Variants in PFKP observed in about 807,000 individuals in gnomAD.
PFKP encodes the protein ATP-dependent 6-phosphofructokinase, platelet type.
Under a neutral mutation model 94.3 loss-of-function variants are expected in PFKP, and 101 were observed. That is an observed-to-expected ratio of 1.07 (90% CI 0.91 to 1.26). The LOEUF is 1.26. Ranked by LOEUF, PFKP falls within the 50% of genes most tolerant of loss-of-function variation. PFKP has a pLI of 0.00. For missense variants in PFKP, 1,145 were observed against 1,103.3 expected, an observed-to-expected ratio of 1.04 and a Z score of -0.53; for synonymous variants, 573 against 432.6, an observed-to-expected ratio of 1.32 and a Z score of -4.03.
chr10:3,093,699 A>G (rs193071498), intron 2 of PFKP, among the ~76,000 whole-genome samples: 4 of 128,330 alleles, frequency 3.1e-5, no homozygotes, highest in African/African-American at 9.2e-5. Flanking sequence ...GCTGGAGTGC[A>G]GTGGCGCAAT....
At position 3,109,547 on chromosome 10, in the gene PFKP, A is replaced by G. The variant is rs143474466; in HGVS notation, c.1089+67A>G. On this transcript the variant is annotated intron_variant, in intron 10 of 21. Transcript: ENST00000381125. Reference sequence around the variant, plus strand: ...TGGGACAGAAGCTGCTTGTCAGGCCAGCCTGGGCACCTTGGGTGTCTCGTC... The same window carrying G: ...TGGGACAGAAGCTGCTTGTCAGGCCGGCCTGGGCACCTTGGGTGTCTCGTC... 1,998 of 1,565,604 alleles carry G rather than the reference A, an allele frequency of 1.3e-3. 18 individuals are homozygous for G. The African/African-American group carries it at 0.024, about 19-fold the overall frequency.
In PFKP at chr10:3,133,315, G is replaced by T. The variant is rs745704649; in HGVS notation, c.2022+1G>T. ...GAACGTGCTGGGTCACATGCAGCAGGTAGGCCCGAGACTGCATGAGGGGCC... is the reference window on the plus strand; with the variant it reads ...GAACGTGCTGGGTCACATGCAGCAGTTAGGCCCGAGACTGCATGAGGGGCC... On this transcript the variant is annotated splice_donor_variant, in intron 19 of 21. Transcript: ENST00000381125. LOFTEE classifies it high-confidence loss of function. The T allele has an allele frequency of 7.5e-6, 12 of 1,598,148 alleles. No homozygotes were observed. The Admixed American group carries it at 1.5e-4, about 20-fold the overall frequency.
intron 15 of PFKP, among the ~76,000 whole-genome samples, chr10:3,119,644 G>T (rs1212019787): frequency 6.6e-6 from 1 of 152,138 alleles, no homozygotes; most frequent in African/African-American, 2.4e-5. Context: ...CCTCAGAAAT[G>T]AGACTCTTAC....
At chr10:3,068,039 G>A (rs1173989628) in intron 1 of PFKP, among the ~76,000 whole-genome samples, 1 of 152,140 alleles carries the variant, frequency 6.6e-6, no homozygotes. Flanking sequence ...TCCACCTTCG[G>A]TTTTGTTTTA....
intron 9 of PFKP, among the ~76,000 whole-genome samples, 173 bp from the exon 10 acceptor site, chr10:3,109,182 C>G (rs187422021): frequency 1.3e-5 from 2 of 152,206 alleles, no homozygotes; most frequent in African/African-American, 4.8e-5. Context: ...TCTCTGTTCC[C>G]GTCTTGCCAG....
intron 1 of PFKP, among the ~76,000 whole-genome samples, chr10:3,077,456 T>C (rs12247270): frequency 0.33 from 49,056 of 149,712 alleles, 8,209 homozygotes; most frequent in Middle Eastern, 0.45. Flanking sequence ...TTAGTAGAGA[T>C]GGGGTTTCAC....
At chr10:3,076,976 C>T (rs1832645656) in intron 1 of PFKP, among the ~76,000 whole-genome samples, 2 of 152,146 alleles carry the variant, frequency 1.3e-5, no homozygotes, top group Non-Finnish European at 2.9e-5. Flanking sequence ...AAAGGAAAGA[C>T]CCCTAGAAGG....
Position 3,113,442 on chromosome 10 carries a change from C to T in PFKP, c.1295C>T (p.Ala432Val). ...GGGATGAACGCAGCCGTACGCTCAG[C>T]TGTGCGCGTGGGCATTGCCGACGGC... The part of the protein sequence containing the change: ...AAGMNAAVRS[A>V]VRVGIADGHR... The change falls in exon 13 of 22, where the codon GCT becomes GTT. Residue 432 changes from alanine to valine, a missense_variant. Transcript: ENST00000381125. The T allele has an allele frequency of 6.2e-7, 1 of 1,611,660 alleles. No homozygotes were observed. The highest frequency in any genetic ancestry group is 8.5e-7 in the Non-Finnish European group (1 of 1,179,042).
chr10:3,116,229 A>T (rs1382418008), intron 13 of PFKP, among the ~76,000 whole-genome samples: 1 of 152,180 alleles, frequency 6.6e-6, no homozygotes, highest in Non-Finnish European at 1.5e-5. Flanking sequence ...ATCCCCCTGC[A>T]GCATGGCAGT....
intron 1 of PFKP, among the ~76,000 whole-genome samples, chr10:3,078,768 T>C (rs1450096684): frequency 6.6e-6 from 1 of 152,164 alleles, no homozygotes; most frequent in African/African-American, 2.4e-5. Context: ...GTGAGAAACA[T>C]CCAGGCCAGG....
chr10:3,094,497 T>TG (rs1349973064), intron 2 of PFKP, among the ~76,000 whole-genome samples: 3 of 152,192 alleles, frequency 2.0e-5, no homozygotes, highest in African/African-American at 7.2e-5. Context: ...GGTGCTTTGC[T>TG]GGGGTGATTG....
chr10:3,104,026 A>G (rs937259767), intron 5 of PFKP, 82 bp downstream of exon 5: 1 of 1,294,298 alleles, frequency 7.7e-7, no homozygotes, highest in Non-Finnish European at 1.1e-6. Flanking sequence ...GCTCTAGAAC[A>G]TTCTGCAGAT....
intron 11 of PFKP, 95 bp from the exon 12 acceptor site, chr10:3,113,024 T>A: frequency 9.3e-7 from 1 of 1,078,452 alleles, no homozygotes; most frequent in Non-Finnish European, 1.4e-6. Flanking sequence ...GGCAGACACA[T>A]TGAGTGCTGG....
intron 2 of PFKP, among the ~76,000 whole-genome samples, chr10:3,086,379 C>A (rs1833600203): frequency 6.6e-6 from 1 of 152,252 alleles, no homozygotes; most frequent in South Asian, 2.1e-4. Context: ...TTCTCCGCGT[C>A]ACCACTCAGC....
intron 10 of PFKP, among the ~76,000 whole-genome samples, chr10:3,110,498 G>A (rs948240150): frequency 2.7e-5 from 4 of 150,500 alleles, no homozygotes; most frequent in African/African-American, 9.8e-5. Context: ...TTACAGGCAT[G>A]AGCCACCACG....
In PFKP at chr10:3,133,318, G is replaced by C. The variant is rs371435009; in HGVS notation, c.2022+4G>C. ...CGTGCTGGGTCACATGCAGCAGGTA[G>C]GCCCGAGACTGCATGAGGGGCCACA... On this transcript the variant is annotated splice_donor_region_variant and intron_variant, in intron 19 of 21. Coordinates refer to ENST00000381125, the MANE Select transcript of PFKP (RefSeq NM_002627.5). 4.7e-5 allele frequency: 75 copies of C among 1,587,178 alleles called. No individual in the cohort carries two copies. Among genetic ancestry groups the C allele is most frequent in the Non-Finnish European group, 6.3e-5 (73 of 1,155,466 alleles).
intron 2 of PFKP, among the ~76,000 whole-genome samples, chr10:3,090,800 C>T (rs1035731935): frequency 3.9e-5 from 6 of 151,974 alleles, no homozygotes; most frequent in Admixed American, 2.6e-4. Context: ...CTGTTCTAGA[C>T]CTATTTGGGC....
At chr10:3,075,502 A>G (rs1185361479) in intron 1 of PFKP, among the ~76,000 whole-genome samples, 1 of 150,034 alleles carries the variant, frequency 6.7e-6, no homozygotes, top group East Asian at 2.0e-4. Flanking sequence ...GGTTTCTCCA[A>G]CGGGAGAATC....
chr10:3,095,746 G>A (rs185610417), intron 2 of PFKP, among the ~76,000 whole-genome samples: 4 of 152,304 alleles, frequency 2.6e-5, no homozygotes, highest in East Asian at 1.9e-4. Flanking sequence ...GTTGTAGTAC[G>A]TTTGGGCAAA....
Sources: gnomAD v4.1 joint callset for allele counts (sites outside exome capture counted in the v4.1 genomes callset) on GRCh38, gnomAD v4.1.1 for gene constraint, MANE v1.5 for transcripts, NCBI Gene and HGNC (gene_info 2026-07-23, HGNC 2026-07-21) for gene names.